HDAC4: variants seen among roughly 807,000 people sequenced by gnomAD.
HDAC4 encodes the protein histone deacetylase 4, also known as histone deacetylase A.
Under a neutral mutation model 135.1 loss-of-function variants are expected in HDAC4, and 16 were observed. The ratio of observed to expected loss-of-function variants is 0.12; its 90% CI spans 0.08 to 0.18. The LOEUF is 0.18. Among genes scored for constraint, HDAC4 ranks in the 10% least tolerant of loss-of-function variants. The pLI, the probability that HDAC4 is intolerant of heterozygous loss-of-function variation, is 1.00. For synonymous variants in HDAC4, 685 were observed against 653.4 expected (o/e 1.05, Z -0.74); for missense variants, 1,143 against 1,511.8 (o/e 0.76, Z 4.05).
At chr2:239,233,395 G>A (rs1301396258) in intron 3 of HDAC4, among the ~76,000 whole-genome samples, 1 of 150,126 alleles carries the variant, frequency 6.7e-6, no homozygotes, top group Admixed American at 6.7e-5. Context: ...GGGCATTTCT[G>A]ATTTTGAATT....
At chr2:239,315,485 A>G (rs2053077902) in intron 2 of HDAC4, among the ~76,000 whole-genome samples, 1 of 152,200 alleles carries the variant, frequency 6.6e-6, no homozygotes, top group Admixed American at 6.5e-5. Context: ...TCAAAATGAA[A>G]CCCAGCATGC....
chr2:239,101,865 T>G (rs1575030902), intron 16 of HDAC4, among the ~76,000 whole-genome samples: 2 of 151,252 alleles, frequency 1.3e-5, no homozygotes, highest in African/African-American at 4.9e-5. Context: ...TTCTGTGCCC[T>G]GGACACCCCC....
chr2:239,055,206 A>C (rs978109630), intron 24 of HDAC4: 3 of 299,582 alleles, frequency 1.0e-5, no homozygotes, highest in Non-Finnish European at 2.0e-5. Flanking sequence ...TTTTATTAAT[A>C]AGTAAGAATG....
chr2:239,281,152 C>T (rs2050710038), intron 2 of HDAC4, among the ~76,000 whole-genome samples: 1 of 129,038 alleles, frequency 7.7e-6, no homozygotes, highest in South Asian at 2.7e-4. Context: ...ACAATGAACA[C>T]ACCACTCTAC....
chr2:239,128,514 G>A (rs1414264642), intron 11 of HDAC4, among the ~76,000 whole-genome samples: 1 of 146,622 alleles, frequency 6.8e-6, no homozygotes, highest in Non-Finnish European at 1.5e-5. Context: ...GGCGACAAAC[G>A]AGACTCTGTC....
At chr2:239,102,713 C>G in intron 16 of HDAC4, 63 bp downstream of exon 16, 1 of 1,600,146 alleles carries the variant, frequency 6.2e-7, no homozygotes. Context: ...GGGTTGAGAG[C>G]TGGAAACACA....
chr2:239,202,173 G>T (rs1021865149), intron 3 of HDAC4, among the ~76,000 whole-genome samples: 1 of 152,230 alleles, frequency 6.6e-6, no homozygotes, highest in Non-Finnish European at 1.5e-5. Flanking sequence ...GAACCAGCCT[G>T]AGGGGACACT....
chr2:239,089,523 C>T (rs901836866), intron 18 of HDAC4, among the ~76,000 whole-genome samples: 50 of 152,286 alleles, frequency 3.3e-4, no homozygotes, highest in South Asian at 2.1e-4. Flanking sequence ...GAAGGAGTTT[C>T]GCCAAGTTAG....
rs369665344 is a variant in HDAC4 at position 239,349,725 on chromosome 2, G to A, written c.22+2953C>T. ...GGGTCCTGCCTCCCAAGGGACCTCCGGGCGGAAGGGCAGACACGGCAGGGA... is the reference window on the plus strand; with the variant it reads ...GGGTCCTGCCTCCCAAGGGACCTCCAGGCGGAAGGGCAGACACGGCAGGGA... On this transcript the variant is annotated intron_variant, in intron 2 of 26. Transcript: ENST00000543185. This position sits in a 1 kb window ranked among gnomAD's most constrained non-coding sequence, Gnocchi z 5.7. Among the ~76,000 whole-genome samples, 3 of 152,244 alleles carry A rather than the reference G, an allele frequency of 2.0e-5. No homozygotes were observed. The highest frequency in any genetic ancestry group is 1.9e-4 in the East Asian group (1 of 5,196).
chr2:239,093,705 C>G (rs560335164), intron 17 of HDAC4, among the ~76,000 whole-genome samples: 40 of 152,350 alleles, frequency 2.6e-4, no homozygotes, highest in Non-Finnish European at 4.9e-4. Context: ...TCTGCTGTGC[C>G]TCAGATCTGG....
At chr2:239,158,158 C>T (rs1445477413) in intron 6 of HDAC4, among the ~76,000 whole-genome samples, 2 of 152,150 alleles carry the variant, frequency 1.3e-5, no homozygotes, top group South Asian at 2.1e-4. Context: ...TTCTACCCCT[C>T]GTCTCACAAT....
intron 11 of HDAC4, among the ~76,000 whole-genome samples, chr2:239,132,771 A>T (rs2040684138): frequency 6.6e-6 from 1 of 152,244 alleles, no homozygotes; most frequent in South Asian, 2.1e-4. Flanking sequence ...ACTGATTTAG[A>T]GAAGGAAAGA....
In HDAC4 at chr2:239,313,251, T is replaced by C. The variant is rs920664262; in HGVS notation, c.22+39427A>G. 1.3e-5 allele frequency among the ~76,000 whole-genome samples: 2 copies of C among 152,254 alleles called. No individual in the cohort carries two copies. The highest frequency in any genetic ancestry group is 4.8e-5 in the African/African-American group (2 of 41,472). ...TGAATTCATTTCATATTTTTAAATA[T>C]GCTCTTAATGGAAAGCAACAAAAGT... On this transcript the variant is annotated intron_variant, in intron 2 of 26. Coordinates refer to ENST00000543185, the MANE Select transcript of HDAC4 (RefSeq NM_001378414.1). The surrounding 1 kb of genome is among the most constrained non-coding windows in gnomAD (Gnocchi z 5.1).
Position 239,380,878 on chromosome 2 carries a change from G to A in HDAC4, c.-220+20100C>T, listed in dbSNP as rs571285205. The stretch of plus-strand genomic sequence containing the variant: ...CGTCCCATCTCAGAAAACGAGGGAT[G>A]CCCGGTTTAAACGTTCCCGTACACA... On this transcript the variant is annotated intron_variant, in intron 1 of 26. Transcript: ENST00000543185. Among the ~76,000 whole-genome samples, 39 of 152,240 alleles carry A rather than the reference G, an allele frequency of 2.6e-4. No homozygotes were observed. In the South Asian group the frequency reaches 7.9e-3, roughly 31 times the overall value.
In HDAC4 at chr2:239,150,956, T is replaced by C. The variant is rs140419510; in HGVS notation, c.733+5696A>G. On this transcript the variant is annotated intron_variant, in intron 7 of 26. Coordinates refer to ENST00000543185, the MANE Select transcript of HDAC4 (RefSeq NM_001378414.1). Reference sequence around the variant, plus strand: ...TGAAGTATGTACTACATTACACCTTTACATACAGCAGCAGGAAGTGTGGGC... The same window carrying C: ...TGAAGTATGTACTACATTACACCTTCACATACAGCAGCAGGAAGTGTGGGC... 3.0e-4 allele frequency among the ~76,000 whole-genome samples: 46 copies of C among 152,160 alleles called. 1 individual carries two copies. The East Asian group carries it at 8.3e-3, about 28-fold the overall frequency.
At chr2:239,374,433 TCG>T (rs1360788246) in intron 1 of HDAC4, among the ~76,000 whole-genome samples, 2 of 109,796 alleles carry the variant, frequency 1.8e-5, no homozygotes, top group African/African-American at 3.6e-5. Context: ...AGACGGAGTC[TCG>T]CTCTGTCGCC....
intron 2 of HDAC4, among the ~76,000 whole-genome samples, chr2:239,271,100 T>C (rs1251328580): frequency 6.6e-6 from 1 of 152,026 alleles, no homozygotes; most frequent in South Asian, 2.1e-4. Flanking sequence ...AGTAAAAAGG[T>C]TGGGGCTTAG....
At position 239,364,925 on chromosome 2, in the gene HDAC4, GAGGGTGCAAACAC is replaced by G. The variant is rs527735980; in HGVS notation, c.-219-12020_-219-12008del. 8.9e-4 allele frequency among the ~76,000 whole-genome samples: 136 copies of G among 152,346 alleles called. 1 individual carries two copies. Among genetic ancestry groups the G allele is most frequent in the Middle Eastern group, 3.4e-3 (1 of 294 alleles). On this transcript the variant is annotated intron_variant, in intron 1 of 26. Transcript: ENST00000543185. ...GGAAAAGAATTCTTTCAGAACCCAC[GAGGGTGCAAACAC>G]AGGGTGCAGATTTTAAATGGAGAAA...
chr2:239,194,924 T>C (rs371395713), intron 3 of HDAC4, among the ~76,000 whole-genome samples: 2 of 152,190 alleles, frequency 1.3e-5, no homozygotes, highest in African/African-American at 4.8e-5. Context: ...GGCAAGTTAC[T>C]CCTCGCAGAT....
Sources: gnomAD v4.1 joint callset for allele counts (sites outside exome capture counted in the v4.1 genomes callset) on GRCh38, gnomAD v4.1.1 for gene constraint, Gnocchi (gnomAD v3.1) non-coding constraint, MANE v1.5 for transcripts, NCBI Gene and HGNC (gene_info 2026-07-23, HGNC 2026-07-21) for gene names.